BMAL1: variants seen among roughly 807,000 people sequenced by gnomAD.
BMAL1 encodes the protein basic helix-loop-helix ARNT-like protein 1.
At chr11:13,331,567 C>T in the BMAL1 span, among the ~76,000 whole-genome samples, 1 of 152,202 alleles carries the variant, frequency 6.6e-6, no homozygotes, top group Non-Finnish European at 1.5e-5. Context: ...CCCTGGAGTA[C>T]CCTGCCCTTT....
At chr11:13,357,128 A>G in the BMAL1 span, 2 of 1,613,188 alleles carry the variant, frequency 1.2e-6, no homozygotes, top group Non-Finnish European at 1.7e-6. The surrounding 1 kb of genome is among the most constrained non-coding windows in gnomAD (Gnocchi z 4.8). Context: ...TCTACAAAGC[A>G]TCCTAGTTCT....
the BMAL1 span, among the ~76,000 whole-genome samples, chr11:13,360,848 T>C: frequency 6.6e-6 from 1 of 152,308 alleles, no homozygotes; most frequent in African/African-American, 2.4e-5. Flanking sequence ...AACAAAACTG[T>C]GGCTCACGCC....
At chr11:13,280,315 T>C in the BMAL1 span, among the ~76,000 whole-genome samples, 1 of 152,260 alleles carries the variant, frequency 6.6e-6, no homozygotes, top group South Asian at 2.1e-4. Context: ...GTGGCCATGT[T>C]TTCAGATTTA....
At chr11:13,329,234 C>T in the BMAL1 span, among the ~76,000 whole-genome samples, 1 of 152,226 alleles carries the variant, frequency 6.6e-6, no homozygotes, top group Non-Finnish European at 1.5e-5. Context: ...AGAACCCTCC[C>T]TGAAGAGCTC....
At chr11:13,370,448 A>G in the BMAL1 span, among the ~76,000 whole-genome samples, 5 of 152,358 alleles carry the variant, frequency 3.3e-5, no homozygotes, top group African/African-American at 1.2e-4. Flanking sequence ...CCAACAGGAT[A>G]CGTGCCGAAG....
At chr11:13,377,149 T>G in the BMAL1 span, among the ~76,000 whole-genome samples, 1 of 152,204 alleles carries the variant, frequency 6.6e-6, no homozygotes. Context: ...GCCTTGGCCC[T>G]GCCCCTGCTG....
At chr11:13,362,871 C>A in the BMAL1 span, among the ~76,000 whole-genome samples, 1 of 151,988 alleles carries the variant, frequency 6.6e-6, no homozygotes, top group Non-Finnish European at 1.5e-5. Flanking sequence ...GAACAAGGAT[C>A]CCTGCATTTT....
the BMAL1 span, among the ~76,000 whole-genome samples, chr11:13,347,044 T>C: frequency 5.9e-5 from 9 of 152,230 alleles, no homozygotes; most frequent in African/African-American, 1.7e-4. Flanking sequence ...CCAGAAATAA[T>C]GTTAAGTAAG....
At chr11:13,295,550 G>A in the BMAL1 span, among the ~76,000 whole-genome samples, 1 of 151,942 alleles carries the variant, frequency 6.6e-6, no homozygotes, top group African/African-American at 2.4e-5. Flanking sequence ...CCCCTTGCGA[G>A]GGCCGAGCTT....
chr11:13,353,140 C>G, the BMAL1 span: 1 of 152,222 alleles, frequency 6.6e-6, no homozygotes, highest in Non-Finnish European at 1.5e-5. Context: ...TCCTGATTCC[C>G]AAGTAAGACT....
At chr11:13,369,740 T>C in the BMAL1 span, 3 of 1,613,204 alleles carry the variant, frequency 1.9e-6, no homozygotes, top group African/African-American at 1.3e-5. Context: ...AGACAAGGAC[T>C]TCCCCTCTAC....
At chr11:13,341,505 G>C in the BMAL1 span, among the ~76,000 whole-genome samples, 1 of 152,182 alleles carries the variant, frequency 6.6e-6, no homozygotes, top group Admixed American at 6.5e-5. Context: ...TGTCTTGTTG[G>C]CATCCCCTAA....
chr11:13,354,590 T>A, the BMAL1 span: 1 of 1,204,914 alleles, frequency 8.3e-7, no homozygotes, highest in Non-Finnish European at 1.1e-6. Context: ...ACACAGTTGG[T>A]TTTTGGCTTT....
the BMAL1 span, among the ~76,000 whole-genome samples, chr11:13,310,837 G>A: frequency 6.6e-6 from 1 of 152,224 alleles, no homozygotes; most frequent in African/African-American, 2.4e-5. Context: ...AAGTGAAGTG[G>A]CAGAAGTGAT....
the BMAL1 span, among the ~76,000 whole-genome samples, chr11:13,283,313 A>T: frequency 2.0e-5 from 3 of 152,230 alleles, no homozygotes; most frequent in African/African-American, 7.2e-5. Context: ...CAAGTTAATT[A>T]GCTTCTCTGA....
chr11:13,278,283 G>A, the BMAL1 span, among the ~76,000 whole-genome samples: 1 of 152,214 alleles, frequency 6.6e-6, no homozygotes, highest in Non-Finnish European at 1.5e-5. Context: ...ACCTGGCGGG[G>A]GGAGGGGGCA....
At chr11:13,347,362 C>T in the BMAL1 span, among the ~76,000 whole-genome samples, 2 of 152,086 alleles carry the variant, frequency 1.3e-5, no homozygotes, top group Admixed American at 6.5e-5. Context: ...ACCTGGGCAA[C>T]AGAGTGAGAC....
the BMAL1 span, among the ~76,000 whole-genome samples, chr11:13,360,670 G>A: frequency 1.3e-5 from 2 of 152,162 alleles, no homozygotes; most frequent in African/African-American, 4.8e-5. Flanking sequence ...TTTAAAATCA[G>A]AAGAGTCAGG....
At chr11:13,367,692 A>G in the BMAL1 span, among the ~76,000 whole-genome samples, 5 of 147,392 alleles carry the variant, frequency 3.4e-5, no homozygotes, top group Admixed American at 6.8e-5. Context: ...GTAACAGAGC[A>G]AGACTCTGTC....
Sources: gnomAD v4.1 joint callset for allele counts (sites outside exome capture counted in the v4.1 genomes callset) on GRCh38, gnomAD v4.1.1 for gene constraint, Gnocchi (gnomAD v3.1) non-coding constraint, MANE v1.5 for transcripts, NCBI Gene and HGNC (gene_info 2026-07-23, HGNC 2026-07-21) for gene names.